Variants in PREPL observed in about 807,000 individuals in gnomAD.
PREPL encodes the protein prolyl endopeptidase-like.
PREPL carries 77 observed loss-of-function variants against 70.6 expected under a neutral mutation model. That is an observed-to-expected ratio of 1.09 (90% CI 0.91 to 1.32). The LOEUF is 1.32. Ranked by LOEUF, PREPL falls within the 40% of genes most tolerant of loss-of-function variation. PREPL has a pLI of 0.00. For synonymous variants in PREPL, 315 were observed against 264.8 expected (o/e 1.19, Z -1.84); for missense variants, 1,002 against 778.2 (o/e 1.29, Z -3.42).
In PREPL at chr2:44,320,198, G is replaced by C. The variant is rs1672806014; in HGVS notation, c.*1158C>G. The C allele has an allele frequency of 1.2e-6, 2 of 1,610,380 alleles. No homozygotes were observed. Among genetic ancestry groups the C allele is most frequent in the African/African-American group, 1.3e-5 (1 of 74,740 alleles). On this transcript the variant is annotated 3_prime_UTR_variant, in exon 14 of 14. Transcript: ENST00000409411. ...ACGTAAATACTTTTTTAAAAAAATA[G>C]GTCCAAAAGACTCAGCCCAGATCGG...
chr2:44,339,370 A>G lies in PREPL; in HGVS notation c.486-7T>C, dbSNP rs200628527. 18 of 1,611,768 alleles carry G rather than the reference A, an allele frequency of 1.1e-5. No homozygotes were observed. The South Asian group carries it at 2.0e-4, about 18-fold the overall frequency. ...ATAAAGGAAAACAAAGTAGCTAGAG[A>G]GAGAGAGAGAGACATGAGATCACAG... On this transcript the variant is annotated splice_region_variant and splice_polypyrimidine_tract_variant and intron_variant, in intron 5 of 13. Coordinates refer to ENST00000409411, the MANE Select transcript of PREPL (RefSeq NM_001171613.2).
At chr2:44,346,116 G>C in intron 2 of PREPL, 152 bp downstream of exon 2, 2 of 632,800 alleles carry the variant, frequency 3.2e-6, no homozygotes, top group South Asian at 4.8e-5. Context: ...CACAATCTCT[G>C]AAATCTTTGC....
intron 7 of PREPL, among the ~76,000 whole-genome samples, chr2:44,334,768 C>T (rs1674465979): frequency 6.6e-6 from 1 of 152,068 alleles, no homozygotes; most frequent in Admixed American, 6.6e-5. Context: ...TTAGTAGAGA[C>T]AGGGTTTTGC....
rs969589260 is a variant in PREPL, at chr2:44,321,403, C to G, written c.1870G>C (p.Asp624His). 1 of 1,613,030 alleles carries G rather than the reference C, an allele frequency of 6.2e-7. No homozygotes were observed. The highest frequency in any genetic ancestry group is 1.7e-5 in the Admixed American group (1 of 59,966). Reference sequence around the variant, plus strand: ...AGATCCTCGAAAACACTGGTGCTGTCAAGTCCAAGTTCCTCGTACAGGAAT... The same window carrying G: ...AGATCCTCGAAAACACTGGTGCTGTGAAGTCCAAGTTCCTCGTACAGGAAT... ...IKFLYEELGL[D>H]STSVFEDLKK... The change falls in exon 14 of 14, where the codon GAC becomes CAC. Residue 624 changes from aspartate to histidine, a missense_variant. Coordinates refer to ENST00000409411, the MANE Select transcript of PREPL (RefSeq NM_001171613.2).
intron 1 of PREPL, among the ~76,000 whole-genome samples, chr2:44,356,687 G>A (rs1014669651): frequency 6.6e-6 from 1 of 152,192 alleles, no homozygotes; most frequent in Non-Finnish European, 1.5e-5. Context: ...GACTGCAGAA[G>A]TTGATACTGA....
At position 44,317,902 on chromosome 2, in the gene PREPL, CAG is replaced by C. The variant is rs1050282571; in HGVS notation, c.*3452_*3453del. The C allele has an allele frequency of 2.2e-5, 5 of 223,456 alleles. No individual in the cohort carries two copies. The highest frequency in any genetic ancestry group is 1.2e-4 in the African/African-American group (5 of 41,948). The allele number at this position is 223,456 out of a possible 1,614,324, so 13.8% of individuals were successfully genotyped here. A position where few individuals can be genotyped will look rare whatever the true frequency, so the allele number is the denominator to read the frequency against. ...GATAAAACCACTCAGATAACAAAAA[CAG>C]ACATAAGAAACACTAACATAAAACA... On this transcript the variant is annotated 3_prime_UTR_variant, in exon 14 of 14. Transcript: ENST00000409411.
Position 44,320,552 on chromosome 2 carries a change from T to C in PREPL, c.*804A>G, listed in dbSNP as rs780297364. The C allele has an allele frequency of 1.2e-6, 2 of 1,614,062 alleles. No homozygotes were observed. Among genetic ancestry groups the C allele is most frequent in the East Asian group, 4.5e-5 (2 of 44,880 alleles). ...AACACAACACGAAGAATCTCCTTCA[T>C]CGCCAAACAGCTTTCAGAGATAGAT... On this transcript the variant is annotated 3_prime_UTR_variant, in exon 14 of 14. Transcript: ENST00000409411.
intron 9 of PREPL, among the ~76,000 whole-genome samples, chr2:44,328,342 C>G (rs1442411631): frequency 7.4e-6 from 1 of 135,218 alleles, no homozygotes; most frequent in Non-Finnish European, 1.5e-5. Context: ...GAGCCTGAAG[C>G]ATGAGAATCA....
intron 10 of PREPL, among the ~76,000 whole-genome samples, chr2:44,326,386 T>C (rs1000375052): frequency 6.7e-6 from 1 of 149,746 alleles, no homozygotes; most frequent in East Asian, 1.9e-4. Context: ...TTCTTTCCTT[T>C]TTTTTTTTTT....
At position 44,322,991 on chromosome 2, in the gene PREPL, C is replaced by T. The variant is rs557586243; in HGVS notation, c.1630-137G>A. On this transcript the variant is annotated intron_variant, in intron 11 of 13. Transcript: ENST00000409411. ...TTTTTCTCACTTGCTATCTTGAGAGCGCCTCAGTATTACAGTAGTAGACTA... is the reference window on the plus strand; with the variant it reads ...TTTTTCTCACTTGCTATCTTGAGAGTGCCTCAGTATTACAGTAGTAGACTA... 275 of 1,218,154 alleles carry T rather than the reference C, an allele frequency of 2.3e-4. 1 individual carries two copies. In the South Asian group the frequency reaches 3.8e-3, roughly 17 times the overall value. 75.5% of individuals were successfully genotyped at this position (1,218,154 alleles called of 1,614,324 possible). A position where few individuals can be genotyped will look rare whatever the true frequency, so the allele number is the denominator to read the frequency against.
Position 44,346,498 on chromosome 2 carries a change from G to A in PREPL, c.-48-108C>T, listed in dbSNP as rs536931273. The A allele has an allele frequency of 5.0e-5, 49 of 982,878 alleles. No homozygotes were observed. In the African/African-American group the frequency reaches 6.4e-4, roughly 13 times the overall value. 60.9% of individuals were successfully genotyped at this position (982,878 alleles called of 1,614,324 possible). A position where few individuals can be genotyped will look rare whatever the true frequency, so the allele number is the denominator to read the frequency against. ...CGTAGACTTAACGTTGTACAAAAAA[G>A]AAATAAGATTAAATAGTAGGTATTT... On this transcript the variant is annotated intron_variant, in intron 1 of 13. Coordinates refer to ENST00000409411, the MANE Select transcript of PREPL (RefSeq NM_001171613.2).
Position 44,342,533 on chromosome 2 carries a change from T to C in PREPL, c.369A>G (p.Glu123=). Residue 123 remains glutamate, a synonymous_variant, in exon 5 of 14, where the codon GAA becomes GAG. Coordinates refer to ENST00000409411, the MANE Select transcript of PREPL (RefSeq NM_001171613.2). The part of the protein sequence containing the change: ...VSSFEWVKDE[E]DEDVLFYTFQ... ...AGGTGTAGAATAAAACATCTTCATC[T>C]TCCTCGTCCTTTACCCATTCTGAAA... 1 of 1,606,792 alleles carries C rather than the reference T, an allele frequency of 6.2e-7. No individual in the cohort carries two copies. Among genetic ancestry groups the C allele is most frequent in the African/African-American group, 1.4e-5 (1 of 73,820 alleles).
chr2:44,346,512 T>C (rs1675844525), intron 1 of PREPL, 122 bp from the exon 2 acceptor site: 1 of 860,510 alleles, frequency 1.2e-6, no homozygotes, highest in Non-Finnish European at 1.8e-6. Context: ...TAAGATTAAA[T>C]AGTAGGTATT....
chr2:44,344,323 C>G (rs1271536922), intron 3 of PREPL, among the ~76,000 whole-genome samples, 197 bp downstream of exon 3: 1 of 152,118 alleles, frequency 6.6e-6, no homozygotes, highest in African/African-American at 2.4e-5. Context: ...TGGATGCCGT[C>G]TCCATTCTCC....
intron 1 of PREPL, among the ~76,000 whole-genome samples, chr2:44,359,259 G>T (rs980580925): frequency 6.6e-6 from 1 of 151,582 alleles, no homozygotes; most frequent in Non-Finnish European, 1.5e-5. Flanking sequence ...GTAGAGACAG[G>T]GTTTTACCAT....
chr2:44,335,930 C>A (rs1674593687), intron 7 of PREPL, among the ~76,000 whole-genome samples: 2 of 151,964 alleles, frequency 1.3e-5, no homozygotes, highest in South Asian at 4.2e-4. Flanking sequence ...GACATACATG[C>A]AGCCAACAAG....
At chr2:44,323,637 T>C (rs1488563475) in intron 10 of PREPL, among the ~76,000 whole-genome samples, 1 of 152,214 alleles carries the variant, frequency 6.6e-6, no homozygotes, top group East Asian at 1.9e-4. Flanking sequence ...AAATGGTTTA[T>C]CTTCTAATTT....
intron 8 of PREPL, among the ~76,000 whole-genome samples, chr2:44,329,634 C>A (rs1259130881): frequency 6.6e-6 from 1 of 152,028 alleles, no homozygotes; most frequent in African/African-American, 2.4e-5. Context: ...CTGATAACTA[C>A]CACAATCCTC....
In PREPL at chr2:44,321,412, G is replaced by A. The variant is rs780486089; in HGVS notation, c.1861C>T (p.Leu621Phe). The A allele has an allele frequency of 1.9e-6, 3 of 1,612,956 alleles. No homozygotes were observed. The highest frequency in any genetic ancestry group is 2.5e-6 in the Non-Finnish European group (3 of 1,179,290). The change falls in exon 14 of 14, where the codon CTT (leucine) becomes TTT (phenylalanine). Residue 621 changes from leucine to phenylalanine, a missense_variant. Coordinates refer to ENST00000409411, the MANE Select transcript of PREPL (RefSeq NM_001171613.2). ...TAQIKFLYEELGLDSTSVFED... is the reference protein window; with the variant it reads ...TAQIKFLYEEFGLDSTSVFED... ...AAAACACTGGTGCTGTCAAGTCCAA[G>A]TTCCTCGTACAGGAATTTAATTTGG...
Sources: gnomAD v4.1 joint callset for allele counts (sites outside exome capture counted in the v4.1 genomes callset) on GRCh38, gnomAD v4.1.1 for gene constraint, MANE v1.5 for transcripts, NCBI Gene and HGNC (gene_info 2026-07-23, HGNC 2026-07-21) for gene names.